SUPT5H: variants seen among roughly 807,000 people sequenced by gnomAD.
SUPT5H encodes SPT5 homolog, DSIF elongation factor subunit.
Under a neutral mutation model 142.5 loss-of-function variants are expected in SUPT5H, and 24 were observed. The observed-to-expected ratio is 0.17, with a 90% CI of 0.12 to 0.24. The LOEUF is 0.24. Ranked by LOEUF, SUPT5H falls within the 10% of genes least tolerant of loss-of-function variation. SUPT5H has a pLI of 1.00. For synonymous variants in SUPT5H, 546 were observed against 553.0 expected (o/e 0.99, Z 0.18); for missense variants, 893 against 1,471.8 (o/e 0.61, Z 6.43).
At chr19:39,453,239 C>A in intron 2 of SUPT5H, 117 bp from the exon 3 acceptor site, 1 of 1,255,834 alleles carries the variant, frequency 8.0e-7, no homozygotes, top group Non-Finnish European at 1.1e-6. Context: ...ATATGCAGAG[C>A]AAAGTGGGCT....
At chr19:39,453,711 C>T (rs542083347) in intron 3 of SUPT5H, among the ~76,000 whole-genome samples, 190 bp downstream of exon 3, 8 of 152,292 alleles carry the variant, frequency 5.3e-5, no homozygotes, top group African/African-American at 1.9e-4. Flanking sequence ...ACTACAGGCG[C>T]CCGCCACCAC....
chr19:39,471,354 T>C lies in SUPT5H; in HGVS notation c.1678-3T>C, dbSNP rs111430488. On this transcript the variant is annotated splice_polypyrimidine_tract_variant and splice_region_variant and intron_variant, in intron 18 of 29. Coordinates refer to ENST00000432763, the MANE Select transcript of SUPT5H (RefSeq NM_001111020.3). ...CCACAGCCTCCCTGCTCTCCCTCTG[T>C]AGGTGCTGAACATGTACGGGAAGGT... The C allele has an allele frequency of 6.2e-7, 1 of 1,614,168 alleles. No individual in the cohort carries two copies. The highest frequency in any genetic ancestry group is 1.1e-5 in the South Asian group (1 of 91,086).
intron 3 of SUPT5H, among the ~76,000 whole-genome samples, chr19:39,455,976 G>T (rs1206437778): frequency 1.4e-5 from 2 of 142,498 alleles, no homozygotes; most frequent in Non-Finnish European, 3.0e-5. Context: ...GCCCACCCTG[G>T]AGTGCAGTGG....
intron 10 of SUPT5H, among the ~76,000 whole-genome samples, chr19:39,464,169 G>C (rs1057212545): frequency 6.6e-6 from 1 of 151,666 alleles, no homozygotes; most frequent in African/African-American, 2.4e-5. Context: ...ATTTTTAGTA[G>C]AGACAGGGTT....
At chr19:39,453,226 G>C (rs756963864) in intron 2 of SUPT5H, 130 bp from the exon 3 acceptor site, 2 of 1,085,428 alleles carry the variant, frequency 1.8e-6, no homozygotes, top group Non-Finnish European at 2.5e-6. Context: ...GAGTGAAAGG[G>C]ATATATGCAG....
At chr19:39,465,168 G>C in intron 11 of SUPT5H, 119 bp downstream of exon 11, 1 of 1,417,898 alleles carries the variant, frequency 7.1e-7, no homozygotes. Context: ...CAGATGAGTT[G>C]AAGCAGAGCC....
chr19:39,462,879 G>T (rs2079182727), intron 10 of SUPT5H, among the ~76,000 whole-genome samples: 2 of 122,708 alleles, frequency 1.6e-5, no homozygotes, highest in Admixed American at 9.8e-5. Context: ...TCGCACCGTT[G>T]CCCAGGCTGG....
Position 39,470,065 on chromosome 19 carries a change from A to G in SUPT5H, c.1375-54A>G. ...GATTCTGAAGACAGGAGGGGCAGGC[A>G]GGTTGTGGTGGTCTCCCTTCACCTG... On this transcript the variant is annotated intron_variant, in intron 16 of 29. Transcript: ENST00000432763. The surrounding 1 kb of genome is among the most constrained non-coding windows in gnomAD (Gnocchi z 5.8). The G allele has an allele frequency of 6.3e-7, 1 of 1,578,432 alleles. No homozygotes were observed. The highest frequency in any genetic ancestry group is 8.6e-7 in the Non-Finnish European group (1 of 1,156,730).
intron 3 of SUPT5H, among the ~76,000 whole-genome samples, chr19:39,456,105 C>T (rs566814796): frequency 4.0e-5 from 6 of 150,904 alleles, no homozygotes; most frequent in Admixed American, 6.6e-5. Context: ...TTAGTAGAGA[C>T]GGGGTTTCAC....
chr19:39,474,354 C>T lies in SUPT5H; in HGVS notation c.2772C>T (p.Thr924=). The T allele has an allele frequency of 6.2e-7, 1 of 1,614,150 alleles. No individual in the cohort carries two copies. The highest frequency in any genetic ancestry group is 8.5e-7 in the Non-Finnish European group (1 of 1,180,020). ...CAAGCCCAGCAGGCTACCAGAATAC[C>T]CACTCCCCAGCCAGCTACCACCCTA... is the stretch of plus-strand genomic sequence containing the variant. ...VAPSPAGYQN[T]HSPASYHPTP... is the part of the protein sequence containing the mutation. Residue 924 remains threonine, a synonymous_variant, in exon 27 of 30, where the codon ACC becomes ACT. Transcript: ENST00000432763. The surrounding 1 kb of genome is among the most constrained non-coding windows in gnomAD (Gnocchi z 6.5).
At position 39,456,137 on chromosome 19, in the gene SUPT5H, G is replaced by A. The variant is rs142336953; in HGVS notation, c.242-1538G>A. 1.8e-3 allele frequency among the ~76,000 whole-genome samples: 272 copies of A among 151,512 alleles called. 5 individuals are homozygous for A. In the East Asian group the frequency reaches 0.041, roughly 23 times the overall value. ...TCACCATGTTGGCCAGGCTGGTCTC[G>A]AACTCCTGACCTCAGGTGGTCCACC... On this transcript the variant is annotated intron_variant, in intron 3 of 29. Transcript: ENST00000432763.
At chr19:39,446,563 G>C (rs1456333699) in intron 2 of SUPT5H, among the ~76,000 whole-genome samples, 1 of 152,158 alleles carries the variant, frequency 6.6e-6, no homozygotes, top group East Asian at 1.9e-4. Flanking sequence ...TCCAGTGAGG[G>C]GGACCAGCAG....
In SUPT5H at chr19:39,471,552, G is replaced by C. The variant is rs760756377; in HGVS notation, c.1824+49G>C. 7 of 1,613,840 alleles carry C rather than the reference G, an allele frequency of 4.3e-6. No individual in the cohort carries two copies. In the South Asian group the frequency reaches 7.7e-5, roughly 18 times the overall value. ...AGCTGCATCTGAAAGAATTTGGTTGGTTGGGGGTGAGGGGGACATGGTCAA... is the reference window on the plus strand; with the variant it reads ...AGCTGCATCTGAAAGAATTTGGTTGCTTGGGGGTGAGGGGGACATGGTCAA... On this transcript the variant is annotated intron_variant, in intron 19 of 29. Coordinates refer to ENST00000432763, the MANE Select transcript of SUPT5H (RefSeq NM_001111020.3).
Position 39,473,674 on chromosome 19 carries a change from G to A in SUPT5H, c.2492+153G>A, listed in dbSNP as rs2079357990. Among the ~76,000 whole-genome samples the A allele has an allele frequency of 6.6e-6, 1 of 152,148 alleles. No individual in the cohort carries two copies. Among genetic ancestry groups the A allele is most frequent in the African/African-American group, 2.4e-5 (1 of 41,424 alleles). ...CCTTTGAAGGAGGAGGCATAGCATG[G>A]CGGGGCGGGGGCAAAGCGGCCTCCT... On this transcript the variant is annotated intron_variant, in intron 25 of 29. Coordinates refer to ENST00000432763, the MANE Select transcript of SUPT5H (RefSeq NM_001111020.3). This position sits in a 1 kb window ranked among gnomAD's most constrained non-coding sequence, Gnocchi z 5.8.
Position 39,476,491 on chromosome 19 carries a change from T to C in SUPT5H, c.*92T>C. 1 of 1,487,484 alleles carries C rather than the reference T, an allele frequency of 6.7e-7. No individual in the cohort carries two copies. The highest frequency in any genetic ancestry group is 9.2e-7 in the Non-Finnish European group (1 of 1,085,326). 92.1% of individuals were successfully genotyped at this position (1,487,484 alleles called of 1,614,324 possible). A position where few individuals can be genotyped will look rare whatever the true frequency, so the allele number is the denominator to read the frequency against. On this transcript the variant is annotated 3_prime_UTR_variant, in exon 30 of 30. Transcript: ENST00000432763. Reference sequence around the variant, plus strand: ...GTGACACAAGATCCTCCTGCAGGGCTAGGCGGATTGTTCTGGATTTCCTTT... The same window carrying C: ...GTGACACAAGATCCTCCTGCAGGGCCAGGCGGATTGTTCTGGATTTCCTTT...
intron 8 of SUPT5H, 74 bp downstream of exon 8, chr19:39,459,323 G>A: frequency 1.3e-6 from 2 of 1,522,970 alleles, no homozygotes; most frequent in South Asian, 2.4e-5. Flanking sequence ...TAGACAGGTG[G>A]CTCCCTGAAA....
chr19:39,466,665 TC>T lies in SUPT5H; in HGVS notation c.967-8del. 1.9e-6 allele frequency: 3 copies of T among 1,614,198 alleles called. No individual in the cohort carries two copies. Among genetic ancestry groups the T allele is most frequent in the Non-Finnish European group, 2.5e-6 (3 of 1,180,020 alleles). On this transcript the variant is annotated splice_polypyrimidine_tract_variant and intron_variant, in intron 12 of 29. Transcript: ENST00000432763. This position sits in a 1 kb window ranked among gnomAD's most constrained non-coding sequence, Gnocchi z 4.3. Reference sequence around the variant, plus strand: ...CTCACCCTTCCCACCCATGCCCCTTTCCTCCATAGAAAGACTGGTTTGCCAA... The same window carrying T: ...CTCACCCTTCCCACCCATGCCCCTTTCTCCATAGAAAGACTGGTTTGCCAA...
intron 10 of SUPT5H, among the ~76,000 whole-genome samples, chr19:39,462,192 A>C (rs1408571180): frequency 6.6e-6 from 1 of 152,168 alleles, no homozygotes; most frequent in Non-Finnish European, 1.5e-5. Flanking sequence ...GGCAGTTCTG[A>C]GCCACTGTGC....
At chr19:39,461,233 T>C (rs2079156860) in intron 10 of SUPT5H, among the ~76,000 whole-genome samples, 1 of 151,748 alleles carries the variant, frequency 6.6e-6, no homozygotes, top group South Asian at 2.1e-4. Flanking sequence ...GAGGTTACAG[T>C]GAGCCAAGAC....
Sources: gnomAD v4.1 joint callset for allele counts (sites outside exome capture counted in the v4.1 genomes callset) on GRCh38, gnomAD v4.1.1 for gene constraint, Gnocchi (gnomAD v3.1) non-coding constraint, MANE v1.5 for transcripts, NCBI Gene and HGNC (gene_info 2026-07-23, HGNC 2026-07-21) for gene names.